PRMT8: variants seen among roughly 807,000 people sequenced by gnomAD.
The protein encoded by PRMT8 is protein arginine N-methyltransferase 8.
Under a neutral mutation model 47.1 loss-of-function variants are expected in PRMT8, and 7 were observed. That is an observed-to-expected ratio of 0.15 (90% CI 0.08 to 0.28). The LOEUF (loss-of-function observed/expected upper bound fraction) is 0.28. Ranked by LOEUF, PRMT8 falls within the 10% of genes least tolerant of loss-of-function variation. The probability of loss-of-function intolerance (pLI) is 1.00; values close to 1 mark genes in which losing one functional copy is unlikely to be tolerated. For synonymous variants in PRMT8, 188 were observed against 186.5 expected, an observed-to-expected ratio of 1.01 and a Z score of -0.07; for missense variants, 237 against 505.4, an observed-to-expected ratio of 0.47 and a Z score of 5.09.
At chr12:3,392,401 C>T (rs2137046202) in intron 1 of PRMT8, among the ~76,000 whole-genome samples, 1 of 137,130 alleles carries the variant, frequency 7.3e-6, no homozygotes, top group South Asian at 2.5e-4. Context: ...TTGATGTTCC[C>T]CTTCCTGTGT....
At chr12:3,496,859 C>A (rs768119418) in intron 1 of PRMT8, among the ~76,000 whole-genome samples, 1 of 151,946 alleles carries the variant, frequency 6.6e-6, no homozygotes, top group Non-Finnish European at 1.5e-5. Context: ...TTCCTCCCTC[C>A]GCAAACACTG....
At chr12:3,589,331 G>T (rs1404046953) in intron 8 of PRMT8, among the ~76,000 whole-genome samples, 1 of 152,032 alleles carries the variant, frequency 6.6e-6, no homozygotes, top group Non-Finnish European at 1.5e-5. Context: ...CTCACAATAC[G>T]TCAGGAGGTG....
chr12:3,410,332 C>T (rs1457136224), intron 1 of PRMT8, among the ~76,000 whole-genome samples: 1 of 152,218 alleles, frequency 6.6e-6, no homozygotes, highest in Non-Finnish European at 1.5e-5. Context: ...AAAGCTTTCT[C>T]AGCTTTTTAC....
intron 1 of PRMT8, among the ~76,000 whole-genome samples, chr12:3,438,513 T>C (rs533831739): frequency 3.3e-5 from 5 of 152,246 alleles, no homozygotes; most frequent in Non-Finnish European, 7.3e-5. Context: ...ATAGAGCCTC[T>C]TCGTCCTAGG....
chr12:3,478,619 G>A (rs886430936), intron 1 of PRMT8, among the ~76,000 whole-genome samples: 1 of 152,188 alleles, frequency 6.6e-6, no homozygotes, highest in Non-Finnish European at 1.5e-5. Flanking sequence ...CACTGACAAA[G>A]GCCTATTCCA....
intron 1 of PRMT8, among the ~76,000 whole-genome samples, chr12:3,505,601 G>A (rs73260100): frequency 0.16 from 24,404 of 152,144 alleles, 3,336 homozygotes; most frequent in African/African-American, 0.37. Flanking sequence ...CAACAACATT[G>A]CAAAGCAACT....
At position 3,535,014 on chromosome 12, in the gene PRMT8, G is replaced by T. The variant is rs1192260328; in HGVS notation, c.76-5592G>T. Among the ~76,000 whole-genome samples, 1 of 152,240 alleles carries T rather than the reference G, an allele frequency of 6.6e-6. No individual in the cohort carries two copies. The highest frequency in any genetic ancestry group is 1.5e-5 in the Non-Finnish European group (1 of 68,054). ...AAGTGCTTGGCGCAGCGCCTGGGGC[G>T]CAGTGGGCCCTTAGTCAATGTTAGG... On this transcript the variant is annotated intron_variant, in intron 1 of 9. Coordinates refer to ENST00000382622, the MANE Select transcript of PRMT8 (RefSeq NM_019854.5). The surrounding 1 kb of genome is among the most constrained non-coding windows in gnomAD (Gnocchi z 4.7).
At chr12:3,491,932 C>T (rs535219201) in intron 1 of PRMT8, among the ~76,000 whole-genome samples, 2 of 150,470 alleles carry the variant, frequency 1.3e-5, no homozygotes, top group South Asian at 4.2e-4. Context: ...GGTCCCCTCC[C>T]TCTTGAAAAT....
At chr12:3,495,362 C>A (rs985997158) in intron 1 of PRMT8, among the ~76,000 whole-genome samples, 1 of 152,194 alleles carries the variant, frequency 6.6e-6, no homozygotes, top group Non-Finnish European at 1.5e-5. Context: ...TCAATACCTG[C>A]ATCATGCAAT....
intron 8 of PRMT8, among the ~76,000 whole-genome samples, chr12:3,586,662 C>T (rs1867181532): frequency 6.6e-6 from 1 of 152,190 alleles, no homozygotes; most frequent in South Asian, 2.1e-4. Flanking sequence ...TGGGGGCCAG[C>T]CGTCTGTGTC....
intron 1 of PRMT8, among the ~76,000 whole-genome samples, chr12:3,454,166 A>T (rs1439526122): frequency 6.6e-6 from 1 of 151,938 alleles, no homozygotes; most frequent in Non-Finnish European, 1.5e-5. Flanking sequence ...ACTCTCCTGC[A>T]GCTTAATGCC....
chr12:3,484,797 C>T (rs539020106), intron 1 of PRMT8, among the ~76,000 whole-genome samples: 2 of 152,306 alleles, frequency 1.3e-5, no homozygotes, highest in African/African-American at 4.8e-5. Context: ...TTTTAAATGG[C>T]AAGGCTTCCT....
intron 4 of PRMT8, among the ~76,000 whole-genome samples, chr12:3,554,572 G>A (rs1866491319): frequency 6.6e-6 from 1 of 152,218 alleles, no homozygotes; most frequent in African/African-American, 2.4e-5. Context: ...TGCAGCAGAG[G>A]GCTGCAAAGG....
At chr12:3,398,586 TC>T (rs1279767899) in intron 1 of PRMT8, among the ~76,000 whole-genome samples, 2 of 152,332 alleles carry the variant, frequency 1.3e-5, no homozygotes, top group African/African-American at 4.8e-5. Context: ...GGAGCCTGCG[TC>T]CAGCTCAGGA....
chr12:3,435,858 T>A (rs1241414436), intron 1 of PRMT8, among the ~76,000 whole-genome samples: 1 of 152,154 alleles, frequency 6.6e-6, no homozygotes, highest in Admixed American at 6.5e-5. Flanking sequence ...TCTGAACCGC[T>A]CAGGCTTGTG....
intron 1 of PRMT8, among the ~76,000 whole-genome samples, chr12:3,506,105 T>C (rs1865619921): frequency 6.6e-6 from 1 of 152,214 alleles, no homozygotes; most frequent in African/African-American, 2.4e-5. Flanking sequence ...AGTGTGGGGC[T>C]GCTAGCTGGG....
chr12:3,428,924 A>C (rs1345914684), intron 1 of PRMT8, among the ~76,000 whole-genome samples: 1 of 112,362 alleles, frequency 8.9e-6, no homozygotes, highest in African/African-American at 3.5e-5. Flanking sequence ...CCTTGACTCC[A>C]TCTTTGTCTC....
intron 1 of PRMT8, among the ~76,000 whole-genome samples, chr12:3,444,117 T>G (rs891218249): frequency 6.6e-6 from 1 of 152,222 alleles, no homozygotes; most frequent in African/African-American, 2.4e-5. Flanking sequence ...GATGAGAGGT[T>G]CATTGTCCTA....
intron 7 of PRMT8, among the ~76,000 whole-genome samples, chr12:3,578,319 G>A (rs747180735): frequency 1.3e-5 from 2 of 152,116 alleles, no homozygotes; most frequent in Non-Finnish European, 2.9e-5. Context: ...GCCTCACTGA[G>A]GCTCAGGTGA....
Sources: allele counts gnomAD v4.1 joint callset (sites outside exome capture counted in the v4.1 genomes callset), GRCh38; gene constraint gnomAD v4.1.1; non-coding constraint Gnocchi (gnomAD v3.1); transcripts MANE v1.5; gene names NCBI Gene and HGNC (gene_info 2026-07-23, HGNC 2026-07-21).